SNTG2: variants seen among roughly 807,000 people sequenced by gnomAD.
The protein encoded by SNTG2 is syntrophin gamma 2, also known as gamma-2-syntrophin.
A neutral mutation model predicts 70.9 loss-of-function variants in SNTG2; 74 were observed. The ratio of observed to expected loss-of-function variants is 1.04; its 90% CI spans 0.86 to 1.27. The LOEUF is 1.27. Ranked by LOEUF, SNTG2 falls within the 50% of genes most tolerant of loss-of-function variation. The pLI, the probability that SNTG2 is intolerant of heterozygous loss-of-function variation, is 0.00. For missense variants in SNTG2, 717 were observed against 690.7 expected (o/e 1.04, Z -0.43); for synonymous variants, 278 against 273.8 (o/e 1.02, Z -0.15).
chr2:1,258,331 G>A (rs62106566), intron 12 of SNTG2, among the ~76,000 whole-genome samples: 13,788 of 152,236 alleles, frequency 0.091, 690 homozygotes, highest in South Asian at 0.15. Flanking sequence ...CTGAATACCA[G>A]ATCCAAAAGG....
rs1674176539 is a variant in SNTG2, at chr2:1,213,459, C to T, written c.719+4229C>T. Among the ~76,000 whole-genome samples the T allele has an allele frequency of 1.3e-5, 2 of 152,146 alleles. 1 individual carries two copies. The highest frequency in any genetic ancestry group is 4.1e-4 in the South Asian group (2 of 4,832). On this transcript the variant is annotated intron_variant, in intron 9 of 16. Transcript: ENST00000308624. Reference sequence around the variant, plus strand: ...AGACCAAAACACTTCAAATATTAAACATTGAAATAAATATGAGCTTTGCAT... The same window carrying T: ...AGACCAAAACACTTCAAATATTAAATATTGAAATAAATATGAGCTTTGCAT...
intron 9 of SNTG2, among the ~76,000 whole-genome samples, chr2:1,215,555 T>TG (rs950285249): frequency 2.0e-5 from 3 of 151,512 alleles, no homozygotes; most frequent in Admixed American, 2.0e-4. Flanking sequence ...TTTTTCTTTT[T>TG]TTTCTTTTTT....
rs1204549107 is a variant in SNTG2 at position 951,025 on chromosome 2, C to T, written c.29C>T (p.Ala10Val). 7.9e-7 allele frequency: 1 copy of T among 1,265,094 alleles called. No individual in the cohort carries two copies. Among genetic ancestry groups the T allele is most frequent in the Non-Finnish European group, 9.9e-7 (1 of 1,008,072 alleles). 78.4% of individuals were successfully genotyped at this position (1,265,094 alleles called of 1,614,324 possible). MGTEGPPPP[A>V]ASRGRQGCLL... ...GGCACCGAGGGACCCCCGCCCCCGG[C>T]CGCCTCCCGCGGACGCCAGGGCTGC... Residue 10 changes from alanine to valine, a missense_variant, in exon 1 of 17, where the codon GCC (alanine) becomes GTC (valine). Physicochemically the swap from Ala to Val is moderately conservative, Grantham distance 64 (BLOSUM62 0). Transcript: ENST00000308624.
At chr2:1,087,270 GA>G (rs1390860378) in intron 2 of SNTG2, among the ~76,000 whole-genome samples, 1 of 152,224 alleles carries the variant, frequency 6.6e-6, no homozygotes, top group Non-Finnish European at 1.5e-5. Flanking sequence ...GCCTCATGAA[GA>G]GTTTGGAGGG....
At chr2:1,233,271 T>C (rs1438543132) in intron 9 of SNTG2, among the ~76,000 whole-genome samples, 2 of 152,156 alleles carry the variant, frequency 1.3e-5, no homozygotes, top group Non-Finnish European at 2.9e-5. Flanking sequence ...GGAAGAGTGG[T>C]CATTGGTAGC....
intron 1 of SNTG2, among the ~76,000 whole-genome samples, chr2:968,119 G>A (rs1184951637): frequency 6.7e-6 from 1 of 148,162 alleles, no homozygotes; most frequent in African/African-American, 2.5e-5. Flanking sequence ...GAATGCATTT[G>A]AGCCTGGAAT....
At chr2:1,164,131 G>C (rs968827888) in intron 6 of SNTG2, among the ~76,000 whole-genome samples, 2 of 152,198 alleles carry the variant, frequency 1.3e-5, no homozygotes, top group East Asian at 3.8e-4. Context: ...GTAGAGGAGA[G>C]AGCAAGGTGG....
At chr2:1,015,067 C>A (rs971071606) in intron 1 of SNTG2, among the ~76,000 whole-genome samples, 2 of 152,050 alleles carry the variant, frequency 1.3e-5, no homozygotes, top group Admixed American at 1.3e-4. Flanking sequence ...GTGGACAGCG[C>A]GGGGCTGAGA....
chr2:1,089,921 A>G (rs373466930), intron 2 of SNTG2, among the ~76,000 whole-genome samples: 30 of 152,338 alleles, frequency 2.0e-4, no homozygotes, highest in African/African-American at 7.2e-4. Flanking sequence ...TGTCTACGTT[A>G]TTAAAGAGTG....
chr2:1,011,967 C>T (rs553767954), intron 1 of SNTG2, among the ~76,000 whole-genome samples: 5 of 152,178 alleles, frequency 3.3e-5, no homozygotes, highest in South Asian at 2.1e-4. Flanking sequence ...TCTGAGAAAC[C>T]GAATATAGAC....
At chr2:1,228,492 G>A (rs1265528546) in intron 9 of SNTG2, among the ~76,000 whole-genome samples, 1 of 152,192 alleles carries the variant, frequency 6.6e-6, no homozygotes, top group Non-Finnish European at 1.5e-5. Flanking sequence ...TGGAGGGCCT[G>A]CTCTGGGCTT....
intron 7 of SNTG2, 63 bp downstream of exon 7, chr2:1,165,698 T>G: frequency 7.4e-7 from 1 of 1,359,248 alleles, no homozygotes; most frequent in Non-Finnish European, 1.0e-6. Context: ...ACATTATTTA[T>G]CCAAATGCTA....
chr2:1,357,921 T>C (rs4479468), intron 16 of SNTG2, among the ~76,000 whole-genome samples: 140,794 of 152,114 alleles, frequency 0.93, 65,299 homozygotes, highest in East Asian at 1. Flanking sequence ...TGAGCTTGAA[T>C]TTCTATTTTA....
At chr2:1,312,954 G>T (rs1681078895) in intron 15 of SNTG2, among the ~76,000 whole-genome samples, 1 of 152,186 alleles carries the variant, frequency 6.6e-6, no homozygotes, top group Non-Finnish European at 1.5e-5. Flanking sequence ...ACAGCTCCCA[G>T]GAAAACATCA....
chr2:1,214,223 A>C (rs1489131040), intron 9 of SNTG2, among the ~76,000 whole-genome samples: 2 of 152,130 alleles, frequency 1.3e-5, no homozygotes, highest in African/African-American at 4.8e-5. Context: ...GATAGTTTGG[A>C]TATTCAGAGT....
intron 10 of SNTG2, 106 bp downstream of exon 10, chr2:1,238,123 C>A: frequency 1.5e-6 from 2 of 1,370,114 alleles, no homozygotes; most frequent in South Asian, 2.8e-5. Context: ...AACAGAAAAT[C>A]ATGTACTTGT....
intron 1 of SNTG2, among the ~76,000 whole-genome samples, chr2:1,035,345 G>T (rs112902588): frequency 1.1e-4 from 17 of 152,306 alleles, no homozygotes; most frequent in African/African-American, 3.8e-4. Flanking sequence ...GGCAATGATT[G>T]TCTGTAACTG....
intron 8 of SNTG2, among the ~76,000 whole-genome samples, chr2:1,175,927 GCCTGGTTCT>G (rs1192478995): frequency 4.6e-5 from 7 of 152,212 alleles, no homozygotes; most frequent in African/African-American, 1.2e-4. Context: ...AAGGGAGGCT[GCCTGGTTCT>G]CCTGGTTCTC....
At chr2:1,294,020 G>A (rs1403228716) in intron 14 of SNTG2, among the ~76,000 whole-genome samples, 2 of 152,170 alleles carry the variant, frequency 1.3e-5, no homozygotes, top group African/African-American at 4.8e-5. Flanking sequence ...ATGTGTTCAG[G>A]CTGGTCACCA....
Sources: allele counts gnomAD v4.1 joint callset (sites outside exome capture counted in the v4.1 genomes callset), GRCh38; gene constraint gnomAD v4.1.1; transcripts MANE v1.5; gene names NCBI Gene and HGNC (gene_info 2026-07-23, HGNC 2026-07-21).